Variants in LSAMP observed in about 807,000 individuals in gnomAD.
LSAMP encodes the protein limbic system associated membrane protein.
Under a neutral mutation model 38.6 loss-of-function variants are expected in LSAMP, and 7 were observed. That is an observed-to-expected ratio of 0.18 (90% CI 0.10 to 0.34). The LOEUF is 0.34. Ranked by LOEUF, LSAMP falls within the 10% of genes least tolerant of loss-of-function variation. The probability of loss-of-function intolerance (pLI) is 1.00; values close to 1 mark genes in which losing one functional copy is unlikely to be tolerated. For synonymous variants in LSAMP, 154 were observed against 166.8 expected, an observed-to-expected ratio of 0.92 and a Z score of 0.59; for missense variants, 313 against 420.0, an observed-to-expected ratio of 0.75 and a Z score of 2.23.
chr3:116,128,843 T>A (rs1709064907), intron 1 of LSAMP, among the ~76,000 whole-genome samples: 1 of 152,164 alleles, frequency 6.6e-6, no homozygotes. Context: ...TTTCATGTGA[T>A]CTCTGCAAAG....
At chr3:116,327,517 C>T (rs2047789900) in intron 1 of LSAMP, among the ~76,000 whole-genome samples, 1 of 151,998 alleles carries the variant, frequency 6.6e-6, no homozygotes, top group Non-Finnish European at 1.5e-5. Flanking sequence ...GGCCATTTCT[C>T]CTCTACCAGA....
intron 3 of LSAMP, among the ~76,000 whole-genome samples, chr3:115,888,047 T>C (rs72955529): frequency 6.6e-6 from 1 of 151,950 alleles, no homozygotes; most frequent in African/African-American, 2.4e-5. Context: ...TGTCACTGAT[T>C]GAATTTATGT....
intron 1 of LSAMP, among the ~76,000 whole-genome samples, chr3:116,278,832 A>C (rs1333905561): frequency 3.3e-5 from 5 of 151,368 alleles, no homozygotes; most frequent in Non-Finnish European, 7.4e-5. Flanking sequence ...TATCTGCCAA[A>C]TTAAGTGTTT....
chr3:116,302,186 A>T (rs1381693804), intron 1 of LSAMP, among the ~76,000 whole-genome samples: 1 of 152,240 alleles, frequency 6.6e-6, no homozygotes, highest in Non-Finnish European at 1.5e-5. Flanking sequence ...GGCATTCTAA[A>T]TAATGTGTTC....
intron 1 of LSAMP, among the ~76,000 whole-genome samples, chr3:116,311,106 G>C (rs2047552550): frequency 6.6e-6 from 1 of 152,022 alleles, no homozygotes; most frequent in African/African-American, 2.4e-5. Context: ...GTAGGTACTA[G>C]TCTAAAGCTA....
At chr3:115,902,428 T>C (rs1936899465) in intron 3 of LSAMP, among the ~76,000 whole-genome samples, 1 of 151,982 alleles carries the variant, frequency 6.6e-6, no homozygotes. Context: ...ATTCTAGACA[T>C]AGGAACGGGG....
chr3:116,091,576 A>T (rs1708124659), intron 1 of LSAMP, among the ~76,000 whole-genome samples: 1 of 152,196 alleles, frequency 6.6e-6, no homozygotes, highest in Non-Finnish European at 1.5e-5. Flanking sequence ...TGTCCATAAA[A>T]TCTTCACAAT....
intron 1 of LSAMP, among the ~76,000 whole-genome samples, chr3:116,435,511 C>T (rs779886529): frequency 2.0e-5 from 3 of 152,080 alleles, no homozygotes; most frequent in Non-Finnish European, 4.4e-5. Context: ...CTGCCTCCAC[C>T]TCTCACTCTC....
At chr3:116,371,020 A>C (rs1254000641) in intron 1 of LSAMP, among the ~76,000 whole-genome samples, 1 of 152,216 alleles carries the variant, frequency 6.6e-6, no homozygotes, top group East Asian at 1.9e-4. Flanking sequence ...ATAAATAGAA[A>C]ATCTGAATAT....
intron 1 of LSAMP, among the ~76,000 whole-genome samples, chr3:116,341,160 G>C (rs2047989979): frequency 6.6e-6 from 1 of 151,824 alleles, no homozygotes; most frequent in African/African-American, 2.4e-5. Flanking sequence ...TGAAAATATA[G>C]AAATATCAGC....
chr3:116,267,455 G>A (rs1381367859), intron 1 of LSAMP, among the ~76,000 whole-genome samples: 2 of 152,060 alleles, frequency 1.3e-5, no homozygotes, highest in Non-Finnish European at 2.9e-5. Context: ...ACATCAGGAA[G>A]AACTATACTC....
intron 1 of LSAMP, among the ~76,000 whole-genome samples, chr3:116,350,791 G>A (rs59305024): frequency 0.026 from 3,921 of 151,918 alleles, 160 homozygotes; most frequent in African/African-American, 0.086. Context: ...TAAGGTCTAT[G>A]GTAAGAAAAA....
intron 3 of LSAMP, among the ~76,000 whole-genome samples, chr3:115,970,314 C>A (rs895719760): frequency 1.3e-5 from 2 of 152,126 alleles, no homozygotes; most frequent in African/African-American, 4.8e-5. Context: ...ACAGAGCGAA[C>A]CCTAGGATAG....
intron 3 of LSAMP, among the ~76,000 whole-genome samples, chr3:115,875,853 C>T (rs959610266): frequency 2.0e-5 from 3 of 151,996 alleles, no homozygotes; most frequent in Non-Finnish European, 2.9e-5. Context: ...AAATGTGATC[C>T]TGAATGAGCT....
intron 1 of LSAMP, among the ~76,000 whole-genome samples, chr3:116,198,873 T>A (rs928646851): frequency 3.3e-5 from 5 of 149,806 alleles, no homozygotes; most frequent in African/African-American, 1.2e-4. Context: ...AGCTCCGGAG[T>A]TCAAAACCAG....
intron 3 of LSAMP, among the ~76,000 whole-genome samples, chr3:115,929,320 C>T (rs543876353): frequency 1.8e-4 from 27 of 152,256 alleles, no homozygotes; most frequent in Non-Finnish European, 3.7e-4. Flanking sequence ...CAGGAAATGT[C>T]TGAAAGGATT....
chr3:116,294,404 A>G (rs987110110), intron 1 of LSAMP, among the ~76,000 whole-genome samples: 3 of 152,252 alleles, frequency 2.0e-5, no homozygotes, highest in Non-Finnish European at 4.4e-5. Context: ...TCTAGGATTC[A>G]GAAATAAGAA....
intron 1 of LSAMP, among the ~76,000 whole-genome samples, chr3:116,279,666 T>A (rs115053100): frequency 0.031 from 4,737 of 152,336 alleles, 243 homozygotes; most frequent in African/African-American, 0.1. Flanking sequence ...CATAAAATTA[T>A]GTTCAGTAAT....
intron 2 of LSAMP, among the ~76,000 whole-genome samples, chr3:116,079,820 A>C (rs762976903): frequency 4.7e-4 from 72 of 152,132 alleles, no homozygotes; most frequent in Non-Finnish European, 7.8e-4. Flanking sequence ...ACTATATATT[A>C]AATATATATA....
Sources: allele counts gnomAD v4.1 joint callset (sites outside exome capture counted in the v4.1 genomes callset), GRCh38; gene constraint gnomAD v4.1.1; transcripts MANE v1.5; gene names NCBI Gene and HGNC (gene_info 2026-07-23, HGNC 2026-07-21).